Variants in RABEP1 observed in about 807,000 individuals in gnomAD.
RABEP1 encodes rabaptin, RAB GTPase binding effector protein 1, also known as rab GTPase-binding effector protein 1.
In RABEP1, 51 loss-of-function variants were observed where a neutral mutation model predicts 123.4. That is an observed-to-expected ratio of 0.41 (90% CI 0.33 to 0.52). The LOEUF is 0.52. Ranked by LOEUF, RABEP1 falls within the 20% of genes least tolerant of loss-of-function variation. The pLI is 0.16. For synonymous variants in RABEP1, 347 were observed against 355.2 expected, an observed-to-expected ratio of 0.98 and a Z score of 0.26; for missense variants, 888 against 996.3, an observed-to-expected ratio of 0.89 and a Z score of 1.46.
chr17:5,380,390 T>G lies in RABEP1; in HGVS notation c.2298T>G (p.Ser766=), dbSNP rs1469217427. Residue 766 remains serine (S), a synonymous_variant, in exon 16 of 18, where the codon TCT becomes TCG. Coordinates refer to ENST00000537505, the MANE Select transcript of RABEP1 (RefSeq NM_004703.6). ...TGGAGTCCACATTAAGAGAGAAGTC[T>G]CAACAGCTTGAGAGTCTTCAGGAAA... ...GQLESTLREK[S]QQLESLQEIK... The G allele has an allele frequency of 6.4e-7, 1 of 1,572,874 alleles. No homozygotes were observed. Among genetic ancestry groups the G allele is most frequent in the South Asian group, 1.2e-5 (1 of 85,348 alleles).
At chr17:5,381,318 A>G in intron 16 of RABEP1, 71 bp from the exon 17 acceptor site, 1 of 1,568,274 alleles carries the variant, frequency 6.4e-7, no homozygotes, top group Non-Finnish European at 8.6e-7. Context: ...GTAGGTAACT[A>G]CAAGTTACTG....
chr17:5,307,788 A>G (rs1457125635), intron 1 of RABEP1, among the ~76,000 whole-genome samples: 3 of 152,226 alleles, frequency 2.0e-5, no homozygotes, highest in Admixed American at 6.5e-5. Flanking sequence ...TCCGCACACC[A>G]TGATCAATGT....
At chr17:5,335,485 A>G in intron 4 of RABEP1, 141 bp downstream of exon 4, 1 of 701,716 alleles carries the variant, frequency 1.4e-6, no homozygotes, top group South Asian at 2.1e-5. Flanking sequence ...TAAACATAGT[A>G]CTAAATAATG....
At chr17:5,365,317 G>GTT in intron 11 of RABEP1, 79 bp downstream of exon 11, 4 of 937,816 alleles carry the variant, frequency 4.3e-6, no homozygotes, top group East Asian at 5.9e-5. Flanking sequence ...ATATAGTCAT[G>GTT]TTTTTTTTTG....
intron 5 of RABEP1, among the ~76,000 whole-genome samples, chr17:5,339,279 A>G (rs1470709838): frequency 6.6e-6 from 1 of 152,262 alleles, no homozygotes; most frequent in Non-Finnish European, 1.5e-5. Flanking sequence ...AGAGATTATC[A>G]CATTGGATTG....
At chr17:5,291,369 G>A (rs2075031712) in intron 1 of RABEP1, among the ~76,000 whole-genome samples, 1 of 152,098 alleles carries the variant, frequency 6.6e-6, no homozygotes, top group Non-Finnish European at 1.5e-5. Context: ...CCAAGATCGT[G>A]CCATTGCACT....
chr17:5,312,749 C>T (rs772298300), intron 2 of RABEP1, among the ~76,000 whole-genome samples: 1 of 152,076 alleles, frequency 6.6e-6, no homozygotes, highest in Non-Finnish European at 1.5e-5. Flanking sequence ...GAATAGTCTA[C>T]TGTGGTAGAT....
At chr17:5,329,725 T>C (rs1567526201) in intron 2 of RABEP1, among the ~76,000 whole-genome samples, 1 of 151,736 alleles carries the variant, frequency 6.6e-6, no homozygotes, top group East Asian at 1.9e-4. Flanking sequence ...AATGCTTTAC[T>C]ACAAAAAATT....
chr17:5,385,954 C>G lies in RABEP1; in HGVS notation c.*2731C>G, dbSNP rs540348170. The G allele has an allele frequency of 4.6e-6, 2 of 434,672 alleles. No homozygotes were observed. Among genetic ancestry groups the G allele is most frequent in the East Asian group, 7.3e-5 (2 of 27,364 alleles). The allele number at this position is 434,672 out of a possible 1,614,324, so 26.9% of individuals were successfully genotyped here. A position where few individuals can be genotyped will look rare whatever the true frequency, so the allele number is the denominator to read the frequency against. ...AAACTCAATAGGGTTCAGGGAGGTT[C>G]TGGCAGTGTGCAGTGTGAAATAATC... On this transcript the variant is annotated 3_prime_UTR_variant, in exon 18 of 18. Coordinates refer to ENST00000537505, the MANE Select transcript of RABEP1 (RefSeq NM_004703.6).
In RABEP1 at chr17:5,383,826, G is replaced by GCAAA. The variant is rs2144746740; in HGVS notation, c.*608_*611dup. 1 of 223,982 alleles carries GCAAA rather than the reference G, an allele frequency of 4.5e-6. No individual in the cohort carries two copies. The highest frequency in any genetic ancestry group is 2.2e-5 in the African/African-American group (1 of 44,812). 13.9% of individuals were successfully genotyped at this position (223,982 alleles called of 1,614,324 possible). On this transcript the variant is annotated 3_prime_UTR_variant, in exon 18 of 18. Coordinates refer to ENST00000537505, the MANE Select transcript of RABEP1 (RefSeq NM_004703.6). ...CTTACCTGAGAACCATAGGACTGTG[G>GCAAA]CAAACAAAACCAATTCATGAAGTGA...
At chr17:5,354,160 C>G (rs1182594759) in intron 7 of RABEP1, among the ~76,000 whole-genome samples, 199 bp from the exon 8 acceptor site, 2 of 151,796 alleles carry the variant, frequency 1.3e-5, no homozygotes, top group East Asian at 3.9e-4. Context: ...TACCAGTGTT[C>G]TTAGTTTGTG....
intron 2 of RABEP1, among the ~76,000 whole-genome samples, chr17:5,320,490 A>T (rs1163442610): frequency 1.3e-5 from 2 of 151,584 alleles, no homozygotes; most frequent in East Asian, 3.9e-4. Flanking sequence ...ACAGAGTTAG[A>T]CTCTTAATAC....
intron 5 of RABEP1, among the ~76,000 whole-genome samples, 184 bp from the exon 6 acceptor site, chr17:5,346,606 A>G (rs1031405470): frequency 1.3e-5 from 2 of 152,234 alleles, no homozygotes; most frequent in South Asian, 4.1e-4. Flanking sequence ...GATAACATCT[A>G]TTAAGTTATT....
chr17:5,333,617 C>CTGAAA (rs1389472003), intron 3 of RABEP1, among the ~76,000 whole-genome samples: 2 of 152,120 alleles, frequency 1.3e-5, no homozygotes, highest in Non-Finnish European at 1.5e-5. Flanking sequence ...TTACTCTAGG[C>CTGAAA]TTCATATAAC....
At chr17:5,343,376 A>C (rs1286732466) in intron 5 of RABEP1, among the ~76,000 whole-genome samples, 1 of 152,160 alleles carries the variant, frequency 6.6e-6, no homozygotes, top group Non-Finnish European at 1.5e-5. Context: ...CAACATAGTG[A>C]AACTCTTTCT....
chr17:5,350,257 G>A (rs367648797), intron 6 of RABEP1, among the ~76,000 whole-genome samples, 194 bp from the exon 7 acceptor site: 4 of 152,234 alleles, frequency 2.6e-5, no homozygotes, highest in African/African-American at 9.6e-5. Context: ...GCAGGCGCCT[G>A]TAGTCCCAGC....
At chr17:5,284,406 T>G (rs1183122907) in intron 1 of RABEP1, among the ~76,000 whole-genome samples, 2 of 152,144 alleles carry the variant, frequency 1.3e-5, no homozygotes, top group East Asian at 1.9e-4. Context: ...AGGAGAGAGA[T>G]AATTTGGTAC....
At chr17:5,341,507 A>C (rs551539879) in intron 5 of RABEP1, among the ~76,000 whole-genome samples, 2 of 152,334 alleles carry the variant, frequency 1.3e-5, no homozygotes, top group Non-Finnish European at 2.9e-5. Flanking sequence ...TGTTGATTTT[A>C]CAGGTAAGTT....
intron 5 of RABEP1, among the ~76,000 whole-genome samples, chr17:5,346,343 T>C (rs866600964): frequency 2.0e-5 from 3 of 152,348 alleles, no homozygotes; most frequent in African/African-American, 7.2e-5. Flanking sequence ...TTTATACATT[T>C]AAAGCATTTG....
Sources: allele counts gnomAD v4.1 joint callset (sites outside exome capture counted in the v4.1 genomes callset), GRCh38; gene constraint gnomAD v4.1.1; transcripts MANE v1.5; gene names NCBI Gene and HGNC (gene_info 2026-07-23, HGNC 2026-07-21).